Variants in DRD2 observed in about 807,000 individuals in gnomAD.
DRD2 encodes the protein dopamine receptor D2.
Under a neutral mutation model 38.0 loss-of-function variants are expected in DRD2, and 8 were observed. The ratio of observed to expected loss-of-function variants is 0.21; its 90% CI spans 0.12 to 0.38. The LOEUF (loss-of-function observed/expected upper bound fraction) is 0.38. Ranked by LOEUF, DRD2 falls within the 10% of genes least tolerant of loss-of-function variation. The probability of loss-of-function intolerance (pLI) is 1.00; values close to 1 mark genes in which losing one functional copy is unlikely to be tolerated. For missense variants in DRD2, 403 were observed against 607.7 expected, an observed-to-expected ratio of 0.66 and a Z score of 3.54; for synonymous variants, 230 against 238.6, an observed-to-expected ratio of 0.96 and a Z score of 0.33.
intron 1 of DRD2, among the ~76,000 whole-genome samples, chr11:113,427,994 G>C (rs1950955202): frequency 6.6e-6 from 1 of 152,184 alleles, no homozygotes; most frequent in Non-Finnish European, 1.5e-5. Flanking sequence ...AATGCAGCAA[G>C]AAGGCGGCCA....
rs1022843873 is a variant in DRD2 at position 113,414,579 on chromosome 11, G to A, written c.724-118C>T. ...GGGCAGAAGGGCTCAGAGATCAGGA[G>A]GGTGGGGGCCAGAGGAGGCAGTTGG... On this transcript the variant is annotated intron_variant, in intron 5 of 7. Transcript: ENST00000362072. 6.8e-6 allele frequency: 7 copies of A among 1,023,036 alleles called. No homozygotes were observed. In the African/African-American group the frequency reaches 7.8e-5, roughly 11 times the overall value. The allele number at this position is 1,023,036 out of a possible 1,614,324, so 63.4% of individuals were successfully genotyped here. A position where few individuals can be genotyped will look rare whatever the true frequency, so the allele number is the denominator to read the frequency against.
chr11:113,417,907 C>A, intron 3 of DRD2, 120 bp downstream of exon 3: 1 of 786,976 alleles, frequency 1.3e-6, no homozygotes, highest in Admixed American at 2.0e-5. Flanking sequence ...CATGGACCCC[C>A]ATGCACACAG....
intron 1 of DRD2, chr11:113,424,915 A>T (rs777339455): frequency 2.1e-5 from 11 of 536,162 alleles, no homozygotes; most frequent in Non-Finnish European, 3.4e-5. Context: ...GCATAATAAG[A>T]TGAGCTTGAA....
chr11:113,419,795 C>G (rs147369660), intron 2 of DRD2, among the ~76,000 whole-genome samples: 37 of 152,344 alleles, frequency 2.4e-4, no homozygotes, highest in African/African-American at 8.9e-4. Context: ...AGGCATCCAA[C>G]CAAATGCTGG....
intron 4 of DRD2, among the ~76,000 whole-genome samples, chr11:113,416,200 G>A (rs979300480): frequency 2.0e-5 from 3 of 152,144 alleles, no homozygotes; most frequent in East Asian, 3.9e-4. Context: ...AATAGATACC[G>A]AACCACACAT....
chr11:113,424,370 C>A lies in DRD2; in HGVS notation c.282G>T (p.Leu94=), dbSNP rs970838089. The part of the protein sequence containing the change: ...ATLVMPWVVY[L]EVVGEWKFSR... ...AGCAAGCAGGGGGCCCACCTACCTC[C>A]AGGTAGACAACCCAGGGCATGACCA... The change falls in exon 2 of 8, where the codon CTG becomes CTT. Residue 94 remains leucine (L), a synonymous_variant. Coordinates refer to ENST00000362072, the MANE Select transcript of DRD2 (RefSeq NM_000795.4). 6.2e-6 allele frequency: 10 copies of A among 1,614,088 alleles called. No individual in the cohort carries two copies. Among genetic ancestry groups the A allele is most frequent in the Non-Finnish European group, 7.6e-6 (9 of 1,179,990 alleles).
chr11:113,425,730 G>C (rs1950935830), intron 1 of DRD2, among the ~76,000 whole-genome samples: 2 of 152,066 alleles, frequency 1.3e-5, no homozygotes, highest in Non-Finnish European at 2.9e-5. Flanking sequence ...TCCCACAGAA[G>C]GGAAAGACTT....
At chr11:113,440,304 A>G (rs1403855031) in intron 1 of DRD2, among the ~76,000 whole-genome samples, 1 of 152,182 alleles carries the variant, frequency 6.6e-6, no homozygotes, top group African/African-American at 2.4e-5. Context: ...CTGTTTTCCA[A>G]GCACTCCCTC....
intron 1 of DRD2, among the ~76,000 whole-genome samples, chr11:113,470,323 G>T (rs1472597024): frequency 6.6e-5 from 10 of 152,188 alleles, no homozygotes; most frequent in Admixed American, 3.3e-4. Flanking sequence ...ACTCCCTTTG[G>T]CTCCCAGACA....
intron 1 of DRD2, among the ~76,000 whole-genome samples, chr11:113,465,751 A>G (rs1435658744): frequency 1.3e-5 from 2 of 152,230 alleles, no homozygotes; most frequent in Non-Finnish European, 2.9e-5. Flanking sequence ...GGTTCTTTCA[A>G]GTATAACACT....
intron 1 of DRD2, among the ~76,000 whole-genome samples, chr11:113,441,661 T>C (rs1218287890): frequency 6.6e-6 from 1 of 152,052 alleles, no homozygotes; most frequent in East Asian, 1.9e-4. Flanking sequence ...GCCCGGCTCA[T>C]GAGGAATGGA....
chr11:113,474,744 T>TC (rs1394121656), intron 1 of DRD2, among the ~76,000 whole-genome samples: 4 of 150,796 alleles, frequency 2.7e-5, no homozygotes, highest in Non-Finnish European at 4.4e-5. Flanking sequence ...CCTCCCGCCC[T>TC]CCGATGCCGC....
chr11:113,412,816 G>A lies in DRD2; in HGVS notation c.878C>T (p.Thr293Ile), dbSNP rs780341245. ...GCTGGGTGGGATGGGGCTGTACCGG[G>A]TCCTCTCGGGTGGGCTGGTGCTGGA... is the stretch of plus-strand genomic sequence containing the variant. ...MLSSTSPPER[T>I]RYSPIPPSHH... The change falls in exon 7 of 8, where the codon ACC (threonine) becomes ATC (isoleucine). Residue 293 changes from threonine to isoleucine, a missense_variant. Physicochemically the swap from Thr to Ile is moderately conservative, Grantham distance 89. Coordinates refer to ENST00000362072, the MANE Select transcript of DRD2 (RefSeq NM_000795.4). The A allele has an allele frequency of 2.1e-5, 34 of 1,613,446 alleles. No homozygotes were observed. Among genetic ancestry groups the A allele is most frequent in the African/African-American group, 4.0e-5 (3 of 74,916 alleles).
Position 113,459,570 on chromosome 11 carries a change from G to A in DRD2, c.-32+15506C>T, listed in dbSNP as rs780151553. Among the ~76,000 whole-genome samples the A allele has an allele frequency of 7.2e-5, 11 of 152,096 alleles. 1 individual carries two copies. The highest frequency in any genetic ancestry group is 1.4e-4 in the African/African-American group (6 of 41,422). ...GTCCATTTTCCTTAGAAAGAAAGCCGAGCAGTGAGAACTAAAAAAGGTGGA... is the reference window on the plus strand; with the variant it reads ...GTCCATTTTCCTTAGAAAGAAAGCCAAGCAGTGAGAACTAAAAAAGGTGGA... On this transcript the variant is annotated intron_variant, in intron 1 of 7. Coordinates refer to ENST00000362072, the MANE Select transcript of DRD2 (RefSeq NM_000795.4).
At chr11:113,474,192 G>C (rs1348150418) in intron 1 of DRD2, 1 of 152,344 alleles carries the variant, frequency 6.6e-6, no homozygotes, top group African/African-American at 2.4e-5. Context: ...TGTGTCCATG[G>C]TGAAGCCTGT....
intron 1 of DRD2, among the ~76,000 whole-genome samples, chr11:113,446,645 G>A (rs1486062862): frequency 6.6e-6 from 1 of 152,160 alleles, no homozygotes; most frequent in Non-Finnish European, 1.5e-5. Flanking sequence ...TACTGCAAAT[G>A]CAAGATGGGA....
At chr11:113,433,434 C>T (rs1256095662) in intron 1 of DRD2, among the ~76,000 whole-genome samples, 1 of 152,134 alleles carries the variant, frequency 6.6e-6, no homozygotes, top group African/African-American at 2.4e-5. Flanking sequence ...TGGGGGATAC[C>T]CGTTAGTGGA....
chr11:113,450,389 G>A (rs1324982381), intron 1 of DRD2, among the ~76,000 whole-genome samples: 6 of 152,234 alleles, frequency 3.9e-5, no homozygotes, highest in African/African-American at 1.4e-4. Context: ...AGGAGTTGAA[G>A]AAGCTGGCCC....
At chr11:113,445,152 G>A (rs1951133130) in intron 1 of DRD2, among the ~76,000 whole-genome samples, 2 of 152,240 alleles carry the variant, frequency 1.3e-5, no homozygotes, top group Non-Finnish European at 2.9e-5. Context: ...AGGAAAGACT[G>A]AGGAGCTGTC....
Sources: allele counts gnomAD v4.1 joint callset (sites outside exome capture counted in the v4.1 genomes callset), GRCh38; gene constraint gnomAD v4.1.1; transcripts MANE v1.5; gene names NCBI Gene and HGNC (gene_info 2026-07-23, HGNC 2026-07-21).